The following PARP2 variants were observed in gnomAD, a reference collection of about 807,000 sequenced individuals.
The protein encoded by PARP2 is poly(ADP-ribose) polymerase 2.
A neutral mutation model predicts 77.8 loss-of-function variants in PARP2; 57 were observed. The ratio of observed to expected loss-of-function variants is 0.73; its 90% CI spans 0.59 to 0.91. The LOEUF is 0.91. Among genes scored for constraint, PARP2 ranks in the 40% least tolerant of loss-of-function variants. The pLI is 0.00. For synonymous variants in PARP2, 226 were observed against 242.6 expected (o/e 0.93, Z 0.64); for missense variants, 651 against 689.0 (o/e 0.94, Z 0.62).
Position 20,352,292 on chromosome 14 carries a change from A to G in PARP2, c.545A>G (p.Glu182Gly), listed in dbSNP as rs1883982772. Reference sequence around the variant, plus strand: ...AATTGGGAAGATCGAGAAAAGTTTGAGAAGGTGCCTGGAAAATATGATATG... The same window carrying G: ...AATTGGGAAGATCGAGAAAAGTTTGGGAAGGTGCCTGGAAAATATGATATG... ...KNNWEDREKF[E>G]KVPGKYDMLQ... The change falls in exon 7 of 16, where the codon GAG becomes GGG. Residue 182 changes from glutamate to glycine, a missense_variant. Coordinates refer to ENST00000429687, the MANE Select transcript of PARP2 (RefSeq NM_001042618.2). 1 of 1,613,318 alleles carries G rather than the reference A, an allele frequency of 6.2e-7. No individual in the cohort carries two copies. The highest frequency in any genetic ancestry group is 8.5e-7 in the Non-Finnish European group (1 of 1,179,310).
intron 6 of PARP2, among the ~76,000 whole-genome samples, chr14:20,351,788 A>T (rs1594300190): frequency 6.6e-6 from 1 of 152,002 alleles, no homozygotes; most frequent in Admixed American, 6.6e-5. Context: ...TTGAGGCAGG[A>T]GGATTGCTTG....
At chr14:20,356,752 T>A in intron 13 of PARP2, 63 bp downstream of exon 13, 1 of 1,265,186 alleles carries the variant, frequency 7.9e-7, no homozygotes, top group Admixed American at 1.7e-5. Context: ...TTCTCAGTGC[T>A]TTTTTTCCTA....
chr14:20,347,388 A>T (rs1423293651), intron 4 of PARP2, among the ~76,000 whole-genome samples: 1 of 15,164 alleles, frequency 6.6e-5, no homozygotes, highest in East Asian at 2.1e-3. Context: ...ATATATATAT[A>T]TATATATATA....
At chr14:20,347,364 A>G (rs1219489106) in intron 4 of PARP2, among the ~76,000 whole-genome samples, 345 of 8,456 alleles carry the variant, frequency 0.041, 5 homozygotes, top group Admixed American at 0.052. Flanking sequence ...GTGTATATAT[A>G]TATATATATA....
intron 4 of PARP2, 122 bp downstream of exon 4, chr14:20,347,035 T>C (rs1883752810): frequency 1.6e-6 from 1 of 637,770 alleles, no homozygotes; most frequent in Non-Finnish European, 2.7e-6. Flanking sequence ...TTAAATTTTG[T>C]TTTTTCTTTT....
At chr14:20,353,806 T>C (rs1362456202) in intron 7 of PARP2, among the ~76,000 whole-genome samples, 1 of 152,142 alleles carries the variant, frequency 6.6e-6, no homozygotes, top group African/African-American at 2.4e-5. Flanking sequence ...GGAAAGCCTT[T>C]TTTTTCTAGA....
intron 4 of PARP2, among the ~76,000 whole-genome samples, chr14:20,347,750 C>G (rs1018626671): frequency 2.6e-5 from 4 of 151,992 alleles, no homozygotes; most frequent in African/African-American, 9.6e-5. Context: ...GGTTAAACAC[C>G]TGAGTACTCA....
Position 20,357,892 on chromosome 14 carries a change from C to T in PARP2, c.*95C>T. 1 of 1,101,158 alleles carries T rather than the reference C, an allele frequency of 9.1e-7. No homozygotes were observed. Among genetic ancestry groups the T allele is most frequent in the Non-Finnish European group, 1.3e-6 (1 of 749,814 alleles). 68.2% of individuals were successfully genotyped at this position (1,101,158 alleles called of 1,614,324 possible). A position where few individuals can be genotyped will look rare whatever the true frequency, so the allele number is the denominator to read the frequency against. On this transcript the variant is annotated 3_prime_UTR_variant, in exon 16 of 16. Transcript: ENST00000429687. Reference sequence around the variant, plus strand: ...TTTGTGATATTTTATGTAATAAAAACTGTACAGGTCTACCACTGGCTTCTT... The same window carrying T: ...TTTGTGATATTTTATGTAATAAAAATTGTACAGGTCTACCACTGGCTTCTT...
In PARP2 at chr14:20,345,460, G is replaced by C. The variant is rs763201653; in HGVS notation, c.269G>C (p.Gly90Ala). ...GACCCAGAGTGTACAGCCAAGGTGG[G>C]GAAGGTAAGAGACTCTGGAACCGAT... ...PVDPECTAKV[G>A]KAHVYCEGND... is the part of the protein sequence containing the mutation. The change falls in exon 3 of 16, where the codon GGG (glycine) becomes GCG (alanine). Residue 90 changes from glycine to alanine, a missense_variant. Physicochemically the swap from Gly to Ala is moderately conservative, Grantham distance 60. Coordinates refer to ENST00000429687, the MANE Select transcript of PARP2 (RefSeq NM_001042618.2). The C allele has an allele frequency of 7.4e-5, 120 of 1,612,562 alleles. 1 individual carries two copies. The South Asian group carries it at 1.3e-3, about 17-fold the overall frequency.
intron 5 of PARP2, 93 bp from the exon 6 acceptor site, chr14:20,350,954 C>A: frequency 1.0e-6 from 1 of 954,388 alleles, no homozygotes; most frequent in Non-Finnish European, 1.7e-6. Flanking sequence ...TTCTCCCTTT[C>A]CTGCCTGTTT....
chr14:20,357,636 A>G lies in PARP2; in HGVS notation c.1554-2A>G, dbSNP rs371069924. ...TTGACACACTTTTTTTCCATTTGGC[A>G]GGAATGGGAGTACAGTGCCATTAGG... On this transcript the variant is annotated splice_acceptor_variant, in intron 15 of 15. Transcript: ENST00000429687. LOFTEE classifies it high-confidence loss of function. The G allele has an allele frequency of 1.9e-6, 3 of 1,608,794 alleles. No homozygotes were observed. In the South Asian group the frequency reaches 3.3e-5, roughly 18 times the overall value.
At chr14:20,349,117 T>A (rs1353980296) in intron 4 of PARP2, among the ~76,000 whole-genome samples, 1 of 151,902 alleles carries the variant, frequency 6.6e-6, no homozygotes, top group African/African-American at 2.4e-5. Context: ...GGCTGGAGAA[T>A]CACTTCAGGT....
chr14:20,347,402 T>A (rs866594485), intron 4 of PARP2, among the ~76,000 whole-genome samples: 162 of 14,090 alleles, frequency 0.011, no homozygotes, highest in Non-Finnish European at 0.022. Context: ...ATATATATTT[T>A]TTTTTTTTTT....
At chr14:20,348,486 G>A (rs1252910009) in intron 4 of PARP2, among the ~76,000 whole-genome samples, 3 of 151,240 alleles carry the variant, frequency 2.0e-5, no homozygotes, top group Non-Finnish European at 4.4e-5. Context: ...TCCAACCTCA[G>A]CCTCCCAAGT....
At chr14:20,353,347 T>C (rs1884027811) in intron 7 of PARP2, among the ~76,000 whole-genome samples, 1 of 151,792 alleles carries the variant, frequency 6.6e-6, no homozygotes, top group African/African-American at 2.4e-5. Flanking sequence ...TTCACGCCAT[T>C]CTCCTGCCTC....
chr14:20,357,009 G>C, intron 13 of PARP2, 42 bp from the exon 14 acceptor site: 1 of 1,235,130 alleles, frequency 8.1e-7, no homozygotes. Context: ...CTCTAACACA[G>C]TGGGTTAGAA....
rs1006715501 is a variant in PARP2, at chr14:20,354,885, G to A, written c.840G>A (p.Gln280=). ...KKIEDCIRAG[Q]HGRALMEACN... ...TTGAGGATTGTATTCGGGCTGGCCA[G>A]CATGGACGAGCTCTCATGGAAGCAT... Residue 280 remains glutamine (Q), a synonymous_variant, in exon 9 of 16, where the codon CAG becomes CAA. Coordinates refer to ENST00000429687, the MANE Select transcript of PARP2 (RefSeq NM_001042618.2). 2 of 1,614,004 alleles carry A rather than the reference G, an allele frequency of 1.2e-6. No homozygotes were observed. The highest frequency in any genetic ancestry group is 2.7e-5 in the African/African-American group (2 of 75,028).
intron 12 of PARP2, 38 bp downstream of exon 12, chr14:20,356,472 G>GC: frequency 6.2e-7 from 1 of 1,613,852 alleles, no homozygotes; most frequent in Non-Finnish European, 8.5e-7. Context: ...GACACTCCTT[G>GC]CCCGAAAGTA....
At chr14:20,346,065 G>A (rs527778591) in intron 3 of PARP2, among the ~76,000 whole-genome samples, 1 of 152,264 alleles carries the variant, frequency 6.6e-6, no homozygotes, top group East Asian at 1.9e-4. Flanking sequence ...CCCACCTCCA[G>A]TACTGAGGAT....
Sources: allele counts gnomAD v4.1 joint callset (sites outside exome capture counted in the v4.1 genomes callset), GRCh38; gene constraint gnomAD v4.1.1; transcripts MANE v1.5; gene names NCBI Gene and HGNC (gene_info 2026-07-23, HGNC 2026-07-21).